The following WTAP variants were observed in gnomAD, a reference collection of about 807,000 sequenced individuals.
WTAP encodes the protein pre-mRNA-splicing regulator WTAP.
WTAP carries 8 observed loss-of-function variants against 50.0 expected under a neutral mutation model. The observed-to-expected ratio is 0.16, with a 90% CI of 0.09 to 0.29. The LOEUF is 0.29. Among genes scored for constraint, WTAP ranks in the 10% least tolerant of loss-of-function variants. The pLI is 1.00. For missense variants in WTAP, 295 were observed against 470.7 expected, an observed-to-expected ratio of 0.63 and a Z score of 3.45; for synonymous variants, 194 against 169.0, an observed-to-expected ratio of 1.15 and a Z score of -1.15.
rs754067509 is a variant in WTAP, at chr6:159,755,318, G to A, written c.898G>A (p.Glu300Lys). ...SGFHREGNTT[E>K]DDFPSSPGNG... ...ATTTCACAGGGAGGGCAACACAACC[G>A]AAGATGACTTTCCTTCTTCTCCAGG... is the stretch of plus-strand genomic sequence containing the variant. Residue 300 changes from glutamate (E) to lysine (K), a missense_variant, in exon 8 of 8, where the codon GAA becomes AAA. This residue lies in a region of WTAP where 175 missense variants were observed against 183.1 expected (regional missense o/e 0.96). Coordinates refer to ENST00000621533, the MANE Select transcript of WTAP (RefSeq NM_001270531.2). The A allele has an allele frequency of 1.2e-6, 2 of 1,614,116 alleles. No individual in the cohort carries two copies. The highest frequency in any genetic ancestry group is 2.2e-5 in the East Asian group (1 of 44,904).
Position 159,748,153 on chromosome 6 carries a change from T to C in WTAP, c.274-38T>C, listed in dbSNP as rs768400133. 1 of 1,582,120 alleles carries C rather than the reference T, an allele frequency of 6.3e-7. No individual in the cohort carries two copies. The highest frequency in any genetic ancestry group is 8.6e-7 in the Non-Finnish European group (1 of 1,159,846). On this transcript the variant is annotated intron_variant, in intron 5 of 7. Coordinates refer to ENST00000621533, the MANE Select transcript of WTAP (RefSeq NM_001270531.2). The surrounding 1 kb of genome is among the most constrained non-coding windows in gnomAD (Gnocchi z 5.6). ...TCCCCACCTTCTTATGTATGTTTCCTTTGATTTGGTCGTAATTGTTTCTTT... is the reference window on the plus strand; with the variant it reads ...TCCCCACCTTCTTATGTATGTTTCCCTTGATTTGGTCGTAATTGTTTCTTT...
intron 1 of WTAP, 111 bp downstream of exon 1, chr6:159,727,814 C>A (rs1389812892): frequency 1.3e-5 from 10 of 770,818 alleles, no homozygotes; most frequent in Non-Finnish European, 1.6e-5. Flanking sequence ...AAAGGCCACA[C>A]GGGCCTGGTG....
At chr6:159,752,702 A>G (rs936534432) in intron 6 of WTAP, among the ~76,000 whole-genome samples, 1 of 152,196 alleles carries the variant, frequency 6.6e-6, no homozygotes, top group Admixed American at 6.5e-5. Flanking sequence ...AATTAATATA[A>G]TAGATAATAT....
At chr6:159,753,755 TTTTAG>T in intron 7 of WTAP, 141 bp downstream of exon 7, 1 of 1,078,508 alleles carries the variant, frequency 9.3e-7, no homozygotes. Flanking sequence ...AGTGAAGCAT[TTTTAG>T]TTGAGTCCGC....
At chr6:159,750,799 C>T (rs1271339806) in intron 6 of WTAP, among the ~76,000 whole-genome samples, 8 of 152,124 alleles carry the variant, frequency 5.3e-5, no homozygotes, top group African/African-American at 1.4e-4. Context: ...ATATCAGGTA[C>T]TATAAATACA....
chr6:159,726,839 T>C (rs1778191288), upstream of WTAP: 1 of 1,289,030 alleles, frequency 7.8e-7, no homozygotes, highest in Admixed American at 2.3e-5. Flanking sequence ...GTTTCTAAGT[T>C]CTCAAAACTT....
chr6:159,729,769 C>T (rs1778453271), intron 1 of WTAP, among the ~76,000 whole-genome samples: 1 of 152,186 alleles, frequency 6.6e-6, no homozygotes, highest in South Asian at 2.1e-4. Flanking sequence ...ACAGTGTCTG[C>T]AGATTGGTGT....
chr6:159,727,260 CT>C (rs1778227790), upstream of WTAP: 11 of 1,283,476 alleles, frequency 8.6e-6, no homozygotes, highest in South Asian at 1.2e-4. Context: ...GCCTCCCTCC[CT>C]TCACCTTTCC....
intron 1 of WTAP, chr6:159,730,782 T>G (rs1229601695): frequency 1.3e-5 from 2 of 152,152 alleles, no homozygotes; most frequent in Non-Finnish European, 2.9e-5. Flanking sequence ...GTGTAGACAT[T>G]TATCCAAAAT....
intron 6 of WTAP, among the ~76,000 whole-genome samples, chr6:159,750,529 A>G (rs1779779706): frequency 6.6e-6 from 1 of 152,220 alleles, no homozygotes; most frequent in African/African-American, 2.4e-5. Context: ...TTTCTTGGGT[A>G]TCATCAAGAT....
At chr6:159,754,105 A>G (rs1006729241) in intron 7 of WTAP, among the ~76,000 whole-genome samples, 3 of 152,188 alleles carry the variant, frequency 2.0e-5, no homozygotes, top group African/African-American at 4.8e-5. Flanking sequence ...TTTTAGTGCA[A>G]GTGTAGCTGT....
intron 5 of WTAP, among the ~76,000 whole-genome samples, chr6:159,747,986 C>T (rs914160429): frequency 2.0e-5 from 3 of 151,994 alleles, no homozygotes; most frequent in Non-Finnish European, 4.4e-5. Context: ...GTGATCAGAT[C>T]GGGGTAATTA....
At chr6:159,727,384 C>CGGGAGGCGGGTGGG, upstream of WTAP, 1 of 517,780 alleles carries the variant, frequency 1.9e-6, no homozygotes, top group Non-Finnish European at 2.7e-6. Flanking sequence ...TGGCGGGAGG[C>CGGGAGGCGGGTGGG]GGGAGGCGGG....
chr6:159,728,924 A>G (rs1453788750), intron 1 of WTAP, among the ~76,000 whole-genome samples: 1 of 152,242 alleles, frequency 6.6e-6, no homozygotes, highest in South Asian at 2.1e-4. Flanking sequence ...GCTAACTCCT[A>G]AAGGATAAAA....
At chr6:159,744,906 C>G (rs1779483036) in intron 5 of WTAP, among the ~76,000 whole-genome samples, 1 of 152,300 alleles carries the variant, frequency 6.6e-6, no homozygotes, top group South Asian at 2.1e-4. Flanking sequence ...TCTTGAACTG[C>G]TGTACTTTGG....
chr6:159,726,888 G>C (rs1056589362), upstream of WTAP: 7 of 1,289,002 alleles, frequency 5.4e-6, no homozygotes, highest in Non-Finnish European at 7.1e-6. Flanking sequence ...CCCGCGGCTC[G>C]CCGCCCACGG....
chr6:159,728,638 CATTTAAAACCGTA>C (rs1422092652), intron 1 of WTAP, among the ~76,000 whole-genome samples: 3 of 152,100 alleles, frequency 2.0e-5, no homozygotes, highest in Non-Finnish European at 4.4e-5. Context: ...ATGTTGTGGA[CATTTAAAACCGTA>C]ATTTAAAACT....
In WTAP at chr6:159,755,235, G is replaced by A. The variant is rs755105173; in HGVS notation, c.815G>A (p.Arg272His). The change falls in exon 8 of 8, where the codon CGT becomes CAT. Residue 272 changes from arginine (R) to histidine (H), a missense_variant. Arg to His is a conservative substitution (Grantham distance 29, BLOSUM62 0). Around this residue, in one of 2 missense-constraint regions of WTAP, gnomAD observed 175 missense variants for 183.1 expected, o/e 0.96. Coordinates refer to ENST00000621533, the MANE Select transcript of WTAP (RefSeq NM_001270531.2). ...GAGGCCACAAGTAAAGACTGCAGTC[G>A]TCTGACAAACGGACCAAGTAATGGT... ...QSEATSKDCSRLTNGPSNGSS... is the reference protein window; with the variant it reads ...QSEATSKDCSHLTNGPSNGSS... 6.8e-6 allele frequency: 11 copies of A among 1,614,066 alleles called. No homozygotes were observed. Among genetic ancestry groups the A allele is most frequent in the Admixed American group, 5.0e-5 (3 of 60,010 alleles).
chr6:159,739,478 T>A (rs1164793947), intron 3 of WTAP, among the ~76,000 whole-genome samples: 1 of 152,224 alleles, frequency 6.6e-6, no homozygotes, highest in East Asian at 1.9e-4. Flanking sequence ...AAGTTATTGT[T>A]AAAGGTGACT....
Sources: allele counts gnomAD v4.1 joint callset (sites outside exome capture counted in the v4.1 genomes callset), GRCh38; gene constraint gnomAD v4.1.1; regional missense constraint gnomAD v4.1.1; non-coding constraint Gnocchi (gnomAD v3.1); transcripts MANE v1.5; gene names NCBI Gene and HGNC (gene_info 2026-07-23, HGNC 2026-07-21).